Variants in CNRIP1 observed in about 807,000 individuals in gnomAD.
The protein encoded by CNRIP1 is cannabinoid receptor interacting protein 1, also known as CB1 cannabinoid receptor-interacting protein 1.
Under a neutral mutation model 15.2 loss-of-function variants are expected in CNRIP1, and 10 were observed. That is an observed-to-expected ratio of 0.66 (90% CI 0.41 to 1.12). The LOEUF is 1.12. Ranked by LOEUF, CNRIP1 falls within the 50% of genes most tolerant of loss-of-function variation. The probability of loss-of-function intolerance (pLI) is 0.00; values close to 1 mark genes in which losing one functional copy is unlikely to be tolerated. For synonymous variants in CNRIP1, 91 were observed against 83.2 expected, an observed-to-expected ratio of 1.09 and a Z score of -0.51; for missense variants, 211 against 214.7, an observed-to-expected ratio of 0.98 and a Z score of 0.11.
chr2:68,311,286 A>G (rs1672064543), intron 2 of CNRIP1, among the ~76,000 whole-genome samples: 1 of 152,170 alleles, frequency 6.6e-6, no homozygotes, highest in African/African-American at 2.4e-5. Flanking sequence ...TTTACTGTAT[A>G]TGTATTATAC....
intron 2 of CNRIP1, among the ~76,000 whole-genome samples, chr2:68,298,853 A>C (rs78037437): frequency 0.013 from 2,050 of 152,254 alleles, 39 homozygotes; most frequent in Middle Eastern, 0.044. Flanking sequence ...GAAAGCTGAC[A>C]TTCTTCTTAA....
At chr2:68,302,049 C>T (rs1671632138) in intron 2 of CNRIP1, among the ~76,000 whole-genome samples, 1 of 151,972 alleles carries the variant, frequency 6.6e-6, no homozygotes, top group African/African-American at 2.4e-5. Flanking sequence ...TATTATTTCA[C>T]CAATTTTACA....
chr2:68,297,521 T>C (rs1022739993), intron 2 of CNRIP1, among the ~76,000 whole-genome samples: 1 of 138,042 alleles, frequency 7.2e-6, no homozygotes, highest in Non-Finnish European at 1.5e-5. Context: ...TGAGCTGAGA[T>C]CTTGCCACTG....
Position 68,319,338 on chromosome 2 carries a change from G to A in CNRIP1, c.63C>T (p.Gly21=). The part of the protein sequence containing the change: ...SIALRIQPND[G]PVFYKVDGQR... The stretch of plus-strand genomic sequence containing the variant: ...GCCCGTCCACCTTGTAAAAGACCGG[G>A]CCGTCATTAGGCTGGATGCGCAGCG... The change falls in exon 1 of 3, where the codon GGC becomes GGT. Residue 21 remains glycine (G), a synonymous_variant. Coordinates refer to ENST00000263655, the MANE Select transcript of CNRIP1 (RefSeq NM_015463.3). 2 of 1,574,272 alleles carry A rather than the reference G, an allele frequency of 1.3e-6. No homozygotes were observed. Among genetic ancestry groups the A allele is most frequent in the Non-Finnish European group, 1.7e-6 (2 of 1,159,870 alleles).
intron 2 of CNRIP1, among the ~76,000 whole-genome samples, chr2:68,301,893 C>CAAAAAAAA (rs61613452): frequency 5.4e-5 from 4 of 74,270 alleles, no homozygotes; most frequent in Admixed American, 1.8e-4. Flanking sequence ...GTCTCCGTCT[C>CAAAAAAAA]AAAAAAAAAA....
intron 2 of CNRIP1, among the ~76,000 whole-genome samples, chr2:68,313,206 G>C (rs1356699481): frequency 3.9e-5 from 6 of 152,098 alleles, no homozygotes; most frequent in Non-Finnish European, 1.5e-5. Flanking sequence ...CATACATTGA[G>C]TATGTAAAGC....
chr2:68,287,910 G>C (rs1319772987), intron 2 of CNRIP1, among the ~76,000 whole-genome samples: 8 of 152,162 alleles, frequency 5.3e-5, no homozygotes, highest in African/African-American at 1.9e-4. Context: ...ACGTGACAAG[G>C]CAAATTCACT....
chr2:68,284,458 C>A, exon 3 of CNRIP1: 1 of 1,541,474 alleles, frequency 6.5e-7, no homozygotes, highest in Non-Finnish European at 8.8e-7. Flanking sequence ...TAAGAGAGAT[C>A]TCTTGGGGTC....
intron 2 of CNRIP1, among the ~76,000 whole-genome samples, chr2:68,300,348 G>A (rs1671558028): frequency 6.6e-6 from 1 of 152,210 alleles, no homozygotes; most frequent in Admixed American, 6.5e-5. Flanking sequence ...GCCGGGTGCA[G>A]TGGCTCATGC....
At chr2:68,299,930 C>G (rs1393317472) in intron 2 of CNRIP1, among the ~76,000 whole-genome samples, 1 of 152,188 alleles carries the variant, frequency 6.6e-6, no homozygotes, top group Non-Finnish European at 1.5e-5. Flanking sequence ...CGTAGAAATC[C>G]ATTGGCTTGG....
Position 68,293,796 on chromosome 2 carries a change from C to T in CNRIP1, c.*66G>A. On this transcript the variant is annotated 3_prime_UTR_variant, in exon 3 of 3. Coordinates refer to ENST00000263655, the MANE Select transcript of CNRIP1 (RefSeq NM_015463.3). Reference sequence around the variant, plus strand: ...TGGTGTGGCATGCCTTGTTTAAGGCCTGCGCTGGTTTATCTAAAAGTAGAT... The same window carrying T: ...TGGTGTGGCATGCCTTGTTTAAGGCTTGCGCTGGTTTATCTAAAAGTAGAT... 1 of 1,575,138 alleles carries T rather than the reference C, an allele frequency of 6.3e-7. No individual in the cohort carries two copies. Among genetic ancestry groups the T allele is most frequent in the Non-Finnish European group, 8.6e-7 (1 of 1,156,334 alleles).
chr2:68,284,245 C>T (rs1018959435), exon 3 of CNRIP1: 4 of 435,000 alleles, frequency 9.2e-6, no homozygotes, highest in African/African-American at 4.1e-5. Context: ...TGGATTTACT[C>T]TCAGAGAGTT....
At chr2:68,294,366 C>A (rs1424808226) in intron 2 of CNRIP1, among the ~76,000 whole-genome samples, 1 of 152,146 alleles carries the variant, frequency 6.6e-6, no homozygotes. Context: ...TTAAAGCTTA[C>A]TCTAAAATGG....
chr2:68,311,317 G>C (rs1401882744), intron 2 of CNRIP1, among the ~76,000 whole-genome samples: 1 of 151,724 alleles, frequency 6.6e-6, no homozygotes, highest in Non-Finnish European at 1.5e-5. Context: ...ATATTTCAAA[G>C]CAAACAAGGG....
chr2:68,287,682 C>A (rs1414290878), intron 2 of CNRIP1, among the ~76,000 whole-genome samples: 1 of 152,150 alleles, frequency 6.6e-6, no homozygotes, highest in African/African-American at 2.4e-5. Context: ...ATAATTTCAG[C>A]CTGAAATGAC....
chr2:68,295,233 G>T (rs1006582680), intron 2 of CNRIP1, among the ~76,000 whole-genome samples: 7 of 152,134 alleles, frequency 4.6e-5, no homozygotes, highest in Non-Finnish European at 7.3e-5. Context: ...ACAGGAGGAG[G>T]GTGATCAGGT....
chr2:68,316,628 G>A (rs983979543), intron 2 of CNRIP1: 4 of 148,296 alleles, frequency 2.7e-5, no homozygotes, highest in Non-Finnish European at 4.5e-5. Context: ...TATATAATAG[G>A]TATATATAAT....
At chr2:68,292,119 G>A (rs1475725205), downstream of CNRIP1, among the ~76,000 whole-genome samples, 2 of 151,948 alleles carry the variant, frequency 1.3e-5, no homozygotes, top group African/African-American at 2.4e-5. Context: ...TAAATCCATT[G>A]TTTTAAATAT....
intron 2 of CNRIP1, among the ~76,000 whole-genome samples, chr2:68,302,868 A>G (rs13430607): frequency 0.067 from 6,205 of 92,268 alleles, 443 homozygotes; most frequent in African/African-American, 0.24. Flanking sequence ...TTTTTTTTTG[A>G]GACGGAGTCT....
Sources: allele counts gnomAD v4.1 joint callset (sites outside exome capture counted in the v4.1 genomes callset), GRCh38; gene constraint gnomAD v4.1.1; transcripts MANE v1.5; gene names NCBI Gene and HGNC (gene_info 2026-07-23, HGNC 2026-07-21).